The following SRC variants were observed in gnomAD, a reference collection of about 807,000 sequenced individuals.
SRC encodes proto-oncogene tyrosine-protein kinase Src.
Under a neutral mutation model 62.9 loss-of-function variants are expected in SRC, and 13 were observed. That is an observed-to-expected ratio of 0.21 (90% CI 0.13 to 0.33). The LOEUF (loss-of-function observed/expected upper bound fraction) is 0.33. Among genes scored for constraint, SRC ranks in the 10% least tolerant of loss-of-function variants. SRC has a pLI of 1.00. For synonymous variants in SRC, 302 were observed against 317.5 expected, an observed-to-expected ratio of 0.95 and a Z score of 0.52; for missense variants, 457 against 737.3, an observed-to-expected ratio of 0.62 and a Z score of 4.40.
At chr20:37,347,770 A>G (rs116522190) in intron 1 of SRC, among the ~76,000 whole-genome samples, 77 of 152,230 alleles carry the variant, frequency 5.1e-4, no homozygotes, top group African/African-American at 1.8e-3. Context: ...CATTTTGCTG[A>G]TGGGGAAACT....
At chr20:37,374,721 T>C (rs2070250929) in intron 2 of SRC, among the ~76,000 whole-genome samples, 1 of 151,820 alleles carries the variant, frequency 6.6e-6, no homozygotes, top group South Asian at 2.1e-4. Context: ...ATTACAGGCA[T>C]GTGCCACCAC....
At chr20:37,354,468 G>A (rs2069851120) in intron 1 of SRC, among the ~76,000 whole-genome samples, 1 of 152,180 alleles carries the variant, frequency 6.6e-6, no homozygotes, top group Admixed American at 6.5e-5. Context: ...CTGCAGGGAC[G>A]GACTTCCAGG....
At chr20:37,393,483 T>C (rs933320723) in intron 5 of SRC, among the ~76,000 whole-genome samples, 2 of 152,198 alleles carry the variant, frequency 1.3e-5, no homozygotes, top group Admixed American at 6.5e-5. Context: ...CAGGAATCTC[T>C]TCTATTACAA....
chr20:37,361,488 A>G (rs1486459094), intron 1 of SRC, among the ~76,000 whole-genome samples: 1 of 152,156 alleles, frequency 6.6e-6, no homozygotes, highest in Non-Finnish European at 1.5e-5. Flanking sequence ...GGCCCTGGCC[A>G]CTAGGCGCTC....
In SRC at chr20:37,351,666, A is replaced by G. The variant is rs2069802864; in HGVS notation, c.-247+5411A>G. On this transcript the variant is annotated intron_variant, in intron 1 of 13. Transcript: ENST00000373578. The surrounding 1 kb of genome is among the most constrained non-coding windows in gnomAD (Gnocchi z 4.4). ...TTGACTTTTACCTTGTCTGATGTCGATATCTTCATGTCATGCCCTTCTGAG... is the reference window on the plus strand; with the variant it reads ...TTGACTTTTACCTTGTCTGATGTCGGTATCTTCATGTCATGCCCTTCTGAG... Among the ~76,000 whole-genome samples the G allele has an allele frequency of 6.6e-6, 1 of 152,116 alleles. No individual in the cohort carries two copies. Among genetic ancestry groups the G allele is most frequent in the Admixed American group, 6.5e-5 (1 of 15,268 alleles).
chr20:37,381,787 A>G (rs1600993223), intron 2 of SRC, among the ~76,000 whole-genome samples: 2 of 152,130 alleles, frequency 1.3e-5, no homozygotes, highest in East Asian at 3.9e-4. Flanking sequence ...TCGTGACCTC[A>G]ATGGAATAGG....
At chr20:37,363,782 C>T (rs369067912) in intron 1 of SRC, among the ~76,000 whole-genome samples, 14 of 152,292 alleles carry the variant, frequency 9.2e-5, no homozygotes, top group South Asian at 6.2e-4. Context: ...TCTGGGTGGC[C>T]GTCCCGGTTA....
chr20:37,352,945 G>A (rs1188138300), intron 1 of SRC, among the ~76,000 whole-genome samples: 1 of 152,172 alleles, frequency 6.6e-6, no homozygotes, highest in Non-Finnish European at 1.5e-5. Context: ...GAGTCCATGA[G>A]TCCGTACTGA....
intron 2 of SRC, among the ~76,000 whole-genome samples, chr20:37,367,210 C>T (rs2070077229): frequency 6.6e-6 from 1 of 150,610 alleles, no homozygotes; most frequent in African/African-American, 2.4e-5. Context: ...GCAGCTGGGA[C>T]CAAAAGTGTG....
In SRC at chr20:37,384,366, C is replaced by T. The variant is rs1311066989; in HGVS notation, c.213C>T (p.Asp71=). Reference sequence around the variant, plus strand: ...TGTTCGGAGGCTTCAACTCCTCGGACACCGTCACCTCCCCGCAGAGGGCGG... The same window carrying T: ...TGTTCGGAGGCTTCAACTCCTCGGATACCGTCACCTCCCCGCAGAGGGCGG... The part of the protein sequence containing the change: ...PKLFGGFNSS[D]TVTSPQRAGP... Residue 71 remains aspartate (D), a synonymous_variant, in exon 4 of 14, where the codon GAC becomes GAT. Transcript: ENST00000373578. This position sits in a 1 kb window ranked among gnomAD's most constrained non-coding sequence, Gnocchi z 6.7. 7.5e-6 allele frequency: 11 copies of T among 1,460,948 alleles called. No homozygotes were observed. The highest frequency in any genetic ancestry group is 1.5e-5 in the African/African-American group (1 of 67,276). The allele number at this position is 1,460,948 out of a possible 1,614,324, so 90.5% of individuals were successfully genotyped here. A position where few individuals can be genotyped will look rare whatever the true frequency, so the allele number is the denominator to read the frequency against.
Position 37,403,724 on chromosome 20 carries a change from A to C in SRC, c.*345A>C. ...GGGTGCCCTTTTCCAGCCTCAGCCT[A>C]CTCCGCTCACTGAACTCCTTCCCCA... On this transcript the variant is annotated 3_prime_UTR_variant, in exon 14 of 14. Transcript: ENST00000373578. The surrounding 1 kb of genome is among the most constrained non-coding windows in gnomAD (Gnocchi z 7.1). 1 of 347,806 alleles carries C rather than the reference A, an allele frequency of 2.9e-6. No homozygotes were observed. The allele number at this position is 347,806 out of a possible 1,614,324, so 21.5% of individuals were successfully genotyped here.
At chr20:37,370,820 A>G (rs2146979253) in intron 2 of SRC, among the ~76,000 whole-genome samples, 1 of 152,286 alleles carries the variant, frequency 6.6e-6, no homozygotes, top group East Asian at 1.9e-4. Flanking sequence ...AGTGTTTCCT[A>G]GAGAAGAACT....
chr20:37,353,201 A>T (rs1285381337), intron 1 of SRC, among the ~76,000 whole-genome samples: 1 of 152,202 alleles, frequency 6.6e-6, no homozygotes, highest in Non-Finnish European at 1.5e-5. Flanking sequence ...TGTGTGGCAG[A>T]TGAGGAAACT....
chr20:37,400,638 T>G (rs1034166675), intron 10 of SRC, among the ~76,000 whole-genome samples: 3 of 151,952 alleles, frequency 2.0e-5, no homozygotes, highest in African/African-American at 7.2e-5. Context: ...CACTTCCACC[T>G]CCCAAAGTGC....
chr20:37,399,019 T>C (rs2070699472), intron 9 of SRC, among the ~76,000 whole-genome samples: 2 of 152,170 alleles, frequency 1.3e-5, no homozygotes, highest in South Asian at 4.1e-4. Flanking sequence ...TTAAACATGC[T>C]GGTCTAGAAT....
intron 1 of SRC, among the ~76,000 whole-genome samples, chr20:37,352,443 G>C (rs933346376): frequency 2.6e-5 from 4 of 152,174 alleles, no homozygotes; most frequent in African/African-American, 9.6e-5. Context: ...AAACAGACAA[G>C]CTTGGTGACT....
intron 2 of SRC, among the ~76,000 whole-genome samples, chr20:37,366,798 T>C (rs1170962562): frequency 6.6e-6 from 1 of 152,248 alleles, no homozygotes; most frequent in Admixed American, 6.5e-5. Context: ...CATTTGGGCT[T>C]TCTGGCTATT....
In SRC at chr20:37,403,478, T is replaced by A. The variant is rs1006084120; in HGVS notation, c.*99T>A. ...CTCTGCCTGCCTGCTGTTGGTCCTC[T>A]CTCTGTGGGGCTGAATTGCCAGGGG... On this transcript the variant is annotated 3_prime_UTR_variant, in exon 14 of 14. Coordinates refer to ENST00000373578, the MANE Select transcript of SRC (RefSeq NM_198291.3). This position sits in a 1 kb window ranked among gnomAD's most constrained non-coding sequence, Gnocchi z 7.1. 31 of 1,321,156 alleles carry A rather than the reference T, an allele frequency of 2.3e-5. No individual in the cohort carries two copies. Among genetic ancestry groups the A allele is most frequent in the Non-Finnish European group, 3.1e-5 (30 of 976,220 alleles). The allele number at this position is 1,321,156 out of a possible 1,614,324, so 81.8% of individuals were successfully genotyped here. A position where few individuals can be genotyped will look rare whatever the true frequency, so the allele number is the denominator to read the frequency against.
At chr20:37,393,058 C>T (rs1015120119) in intron 5 of SRC, among the ~76,000 whole-genome samples, 3 of 152,178 alleles carry the variant, frequency 2.0e-5, no homozygotes, top group Non-Finnish European at 4.4e-5. Context: ...CCAGGGGACC[C>T]GACCACGCCG....
Sources: gnomAD v4.1 joint callset for allele counts (sites outside exome capture counted in the v4.1 genomes callset) on GRCh38, gnomAD v4.1.1 for gene constraint, Gnocchi (gnomAD v3.1) non-coding constraint, MANE v1.5 for transcripts, NCBI Gene and HGNC (gene_info 2026-07-23, HGNC 2026-07-21) for gene names.